The following PHACTR3 variants were observed in gnomAD, a reference collection of about 807,000 sequenced individuals.
PHACTR3 encodes the protein phosphatase and actin regulator 3.
Under a neutral mutation model 66.8 loss-of-function variants are expected in PHACTR3, and 16 were observed. The ratio of observed to expected loss-of-function variants is 0.24; its 90% CI spans 0.16 to 0.36. PHACTR3 has a LOEUF of 0.36. Among genes scored for constraint, PHACTR3 ranks in the 10% least tolerant of loss-of-function variants. PHACTR3 has a pLI of 1.00. For missense variants in PHACTR3, 647 were observed against 719.9 expected, an observed-to-expected ratio of 0.90 and a Z score of 1.16; for synonymous variants, 323 against 292.1, an observed-to-expected ratio of 1.11 and a Z score of -1.08.
chr20:59,683,881 C>T (rs990664646), intron 1 of PHACTR3, among the ~76,000 whole-genome samples: 1 of 152,154 alleles, frequency 6.6e-6, no homozygotes, highest in Non-Finnish European at 1.5e-5. Context: ...GCTGAGCAGC[C>T]GTTATAGTGG....
intron 1 of PHACTR3, among the ~76,000 whole-genome samples, chr20:59,615,418 A>T (rs1394866256): frequency 6.6e-6 from 1 of 152,224 alleles, no homozygotes; most frequent in East Asian, 1.9e-4. Context: ...GGCATCGTGC[A>T]TCCGGGAAGC....
intron 1 of PHACTR3, among the ~76,000 whole-genome samples, chr20:59,585,454 G>C (rs1424527305): frequency 6.6e-6 from 1 of 152,212 alleles, no homozygotes; most frequent in African/African-American, 2.4e-5. Context: ...AATCACAGTT[G>C]TGAGTACAGC....
intron 1 of PHACTR3, among the ~76,000 whole-genome samples, chr20:59,707,769 G>A (rs1210871994): frequency 6.6e-6 from 1 of 152,018 alleles, no homozygotes; most frequent in African/African-American, 2.4e-5. Flanking sequence ...CCCAGCTCTT[G>A]CTCCGACTCT....
intron 4 of PHACTR3, among the ~76,000 whole-genome samples, chr20:59,763,560 G>A (rs573369266): frequency 6.6e-6 from 1 of 152,342 alleles, no homozygotes; most frequent in East Asian, 1.9e-4. Context: ...GGATGTGATT[G>A]GCCTCCAGAT....
At position 59,740,823 on chromosome 20, in the gene PHACTR3, G is replaced by A. The variant is rs2039130458; in HGVS notation, c.119-2284G>A. On this transcript the variant is annotated intron_variant, in intron 1 of 12. Transcript: ENST00000371015. ...GGCCGCCTGTCACTGGGGGCACAGA[G>A]GTCACTGCCATGTGGGGCCTTGGGC... Among the ~76,000 whole-genome samples, 4 of 152,264 alleles carry A rather than the reference G, an allele frequency of 2.6e-5. No homozygotes were observed. In the South Asian group the frequency reaches 8.3e-4, roughly 31 times the overall value.
At chr20:59,651,502 C>A (rs1463378592) in intron 1 of PHACTR3, among the ~76,000 whole-genome samples, 3 of 152,168 alleles carry the variant, frequency 2.0e-5, no homozygotes, top group Non-Finnish European at 4.4e-5. Flanking sequence ...CTATATTTAG[C>A]AAAATTACAT....
At chr20:59,606,615 TG>T (rs1367851562) in intron 1 of PHACTR3, among the ~76,000 whole-genome samples, 2 of 152,204 alleles carry the variant, frequency 1.3e-5, no homozygotes, top group Non-Finnish European at 2.9e-5. Flanking sequence ...GGAAGTTGAG[TG>T]GCTTCTCATG....
At chr20:59,630,179 A>ATTTTCCT (rs1263835971) in intron 1 of PHACTR3, among the ~76,000 whole-genome samples, 2 of 151,864 alleles carry the variant, frequency 1.3e-5, no homozygotes, top group African/African-American at 4.8e-5. Flanking sequence ...TGTCTGTTTA[A>ATTTTCCT]TTTTTCTTTT....
chr20:59,815,067 G>T (rs995995620), intron 8 of PHACTR3, among the ~76,000 whole-genome samples: 1 of 152,180 alleles, frequency 6.6e-6, no homozygotes, highest in Non-Finnish European at 1.5e-5. Context: ...GTGGACCCAG[G>T]CTGGACTGGG....
rs535389126 is a variant in PHACTR3 at position 59,605,820 on chromosome 20, C to T, written c.118+688C>T. On this transcript the variant is annotated intron_variant, in intron 1 of 12. Coordinates refer to ENST00000371015, the MANE Select transcript of PHACTR3 (RefSeq NM_080672.5). ...CTATAGGGCTTGATTGATTACTTTC[C>T]AGAGAGGAAGAAAGGCCTAATAAAG... Among the ~76,000 whole-genome samples, 75 of 128,900 alleles carry T rather than the reference C, an allele frequency of 5.8e-4. No homozygotes were observed. In the East Asian group the frequency reaches 0.015, roughly 25 times the overall value. 84.6% of individuals were successfully genotyped at this position (128,900 alleles called of 152,430 possible). A position where few individuals can be genotyped will look rare whatever the true frequency, so the allele number is the denominator to read the frequency against.
intron 1 of PHACTR3, among the ~76,000 whole-genome samples, chr20:59,626,226 C>T (rs2034440721): frequency 6.6e-6 from 1 of 152,124 alleles, no homozygotes; most frequent in Non-Finnish European, 1.5e-5. Context: ...CTATATATGG[C>T]AGGTTGCAGT....
rs73917917 is a variant in PHACTR3 at position 59,742,849 on chromosome 20, C to T, written c.119-258C>T. Reference sequence around the variant, plus strand: ...GAATTAGGAACATCTTCACACGTGGCGCGTCATATGGCGGAAGGCGAAGGC... The same window carrying T: ...GAATTAGGAACATCTTCACACGTGGTGCGTCATATGGCGGAAGGCGAAGGC... On this transcript the variant is annotated intron_variant, in intron 1 of 12. Transcript: ENST00000371015. Among the ~76,000 whole-genome samples the T allele has an allele frequency of 4.8e-3, 729 of 152,222 alleles. 8 individuals carry two copies. The highest frequency in any genetic ancestry group is 0.017 in the African/African-American group (691 of 41,528).
At chr20:59,751,943 T>A (rs1291072351) in intron 3 of PHACTR3, among the ~76,000 whole-genome samples, 2 of 152,182 alleles carry the variant, frequency 1.3e-5, no homozygotes, top group East Asian at 3.9e-4. Context: ...TTCTCTGTGC[T>A]AGACACTGTT....
chr20:59,622,333 C>T (rs1232660693), intron 1 of PHACTR3, among the ~76,000 whole-genome samples: 1 of 152,124 alleles, frequency 6.6e-6, no homozygotes, highest in African/African-American at 2.4e-5. Context: ...GTCCCTTCAT[C>T]AGGCCATGCT....
At chr20:59,712,722 A>G (rs915636727) in intron 1 of PHACTR3, among the ~76,000 whole-genome samples, 1 of 152,242 alleles carries the variant, frequency 6.6e-6, no homozygotes, top group Admixed American at 6.5e-5. Flanking sequence ...TTGTATTTTT[A>G]GAAAACCTAC....
chr20:59,822,702 G>A (rs1015941997), intron 8 of PHACTR3, among the ~76,000 whole-genome samples: 7 of 152,194 alleles, frequency 4.6e-5, no homozygotes, highest in Non-Finnish European at 1.0e-4. Context: ...GACTCGGCTC[G>A]TTCAGTCAGC....
chr20:59,747,955 A>G, intron 3 of PHACTR3, 120 bp downstream of exon 3: 1 of 1,050,056 alleles, frequency 9.5e-7, no homozygotes, highest in Non-Finnish European at 1.4e-6. Context: ...GGCCGTGTTC[A>G]GATGAAGCCT....
intron 1 of PHACTR3, among the ~76,000 whole-genome samples, chr20:59,626,230 T>C (rs539646735): frequency 6.6e-6 from 1 of 152,356 alleles, no homozygotes; most frequent in East Asian, 1.9e-4. Context: ...ATATGGCAGG[T>C]TGCAGTGACG....
At chr20:59,748,894 A>C (rs1180646449) in intron 3 of PHACTR3, among the ~76,000 whole-genome samples, 1 of 152,214 alleles carries the variant, frequency 6.6e-6, no homozygotes, top group Admixed American at 6.5e-5. Flanking sequence ...GAAATAAACG[A>C]ATCCAGATTT....
Sources: gnomAD v4.1 joint callset for allele counts (sites outside exome capture counted in the v4.1 genomes callset) on GRCh38, gnomAD v4.1.1 for gene constraint, MANE v1.5 for transcripts, NCBI Gene and HGNC (gene_info 2026-07-23, HGNC 2026-07-21) for gene names.